MSH5: variants seen among roughly 807,000 people sequenced by gnomAD.
The protein encoded by MSH5 is mutS homolog 5.
Under a neutral mutation model 107.7 loss-of-function variants are expected in MSH5, and 78 were observed. That is an observed-to-expected ratio of 0.72 (90% CI 0.60 to 0.87). The LOEUF (loss-of-function observed/expected upper bound fraction) is 0.87, where lower values mean the gene tolerates loss of function less well. MSH5 is among the 40% of genes least tolerant of loss of function. MSH5 has a pLI of 0.00. For synonymous variants in MSH5, 326 were observed against 399.5 expected (o/e 0.82, Z 2.19); for missense variants, 889 against 1,046.6 (o/e 0.85, Z 2.08).
In MSH5 at chr6:31,740,685, G is replaced by T; in HGVS notation, c.147+72G>T. 7.1e-7 allele frequency: 1 copy of T among 1,416,322 alleles called. No individual in the cohort carries two copies. Among genetic ancestry groups the T allele is most frequent in the Admixed American group, 3.0e-5 (1 of 33,336 alleles). 87.7% of individuals were successfully genotyped at this position (1,416,322 alleles called of 1,614,324 possible). On this transcript the variant is annotated intron_variant, in intron 2 of 24. Coordinates refer to ENST00000375750, the MANE Select transcript of MSH5 (RefSeq NM_172166.4). This position sits in a 1 kb window ranked among gnomAD's most constrained non-coding sequence, Gnocchi z 4.4. Reference sequence around the variant, plus strand: ...AGAATAAAAGAGGGTTGGGAGCCGGGCGCGGTGGCTCACACCTGTAATCTT... The same window carrying T: ...AGAATAAAAGAGGGTTGGGAGCCGGTCGCGGTGGCTCACACCTGTAATCTT...
At chr6:31,743,327 T>A in intron 5 of MSH5, 157 bp downstream of exon 5, 1 of 736,950 alleles carries the variant, frequency 1.4e-6, no homozygotes, top group Non-Finnish European at 2.3e-6. Context: ...AGATCTCTCC[T>A]GCTCCCTACC....
At position 31,759,369 on chromosome 6, in the gene MSH5, G is replaced by A; in HGVS notation, c.1408-56G>A. On this transcript the variant is annotated intron_variant, in intron 16 of 24. Coordinates refer to ENST00000375750, the MANE Select transcript of MSH5 (RefSeq NM_172166.4). This position sits in a 1 kb window ranked among gnomAD's most constrained non-coding sequence, Gnocchi z 4.7. Reference sequence around the variant, plus strand: ...CTGGAGGTGGGGTTAGAAAGATGGGGAAGGAGAGGAGGACCAAGAGATGCA... The same window carrying A: ...CTGGAGGTGGGGTTAGAAAGATGGGAAAGGAGAGGAGGACCAAGAGATGCA... 6.4e-7 allele frequency: 1 copy of A among 1,567,282 alleles called. No individual in the cohort carries two copies. The highest frequency in any genetic ancestry group is 8.8e-7 in the Non-Finnish European group (1 of 1,139,838).
chr6:31,747,547 G>A, intron 10 of MSH5, 115 bp downstream of exon 10: 4 of 1,071,138 alleles, frequency 3.7e-6, no homozygotes, highest in East Asian at 2.5e-5. Context: ...CCACCTAGTA[G>A]TAGTAAAGCA....
Position 31,759,649 on chromosome 6 carries a change from ACT to A in MSH5, c.1496-134_1496-133del. On this transcript the variant is annotated intron_variant, in intron 17 of 24. Transcript: ENST00000375750. This position sits in a 1 kb window ranked among gnomAD's most constrained non-coding sequence, Gnocchi z 4.7. ...CCTGCTCTCTGTCTCGCTCACTCTG[ACT>A]CTATCTTTTCCTCTGAATGTCTTGA... The A allele has an allele frequency of 7.4e-7, 1 of 1,351,958 alleles. No individual in the cohort carries two copies. Among genetic ancestry groups the A allele is most frequent in the Admixed American group, 1.9e-5 (1 of 52,546 alleles). 83.7% of individuals were successfully genotyped at this position (1,351,958 alleles called of 1,614,324 possible).
At position 31,759,116 on chromosome 6, in the gene MSH5, T is replaced by C. The variant is rs1562245683; in HGVS notation, c.1346T>C (p.Ile449Thr). ...CCCCAGATTGGCTTCCTTCTTTCTA[T>C]TCCCCGCCTGCCTTCCATGGTAGAG... ...YIPLIGFLLS[I>T]PRLPSMVEAS... The change falls in exon 16 of 25, where the codon ATT (isoleucine) becomes ACT (threonine). Residue 449 changes from isoleucine to threonine, a missense_variant. Transcript: ENST00000375750. The surrounding 1 kb of genome is among the most constrained non-coding windows in gnomAD (Gnocchi z 4.7). 3.1e-6 allele frequency: 5 copies of C among 1,612,866 alleles called. No individual in the cohort carries two copies. Among genetic ancestry groups the C allele is most frequent in the Non-Finnish European group, 4.2e-6 (5 of 1,179,996 alleles).
intron 12 of MSH5, among the ~76,000 whole-genome samples, chr6:31,754,779 G>A (rs1214866144): frequency 1.4e-5 from 2 of 143,036 alleles, no homozygotes; most frequent in Admixed American, 7.1e-5. Context: ...TTGAGATGGA[G>A]TCTCACTCTG....
Position 31,740,393 on chromosome 6 carries a change from C to T in MSH5, c.-13-61C>T, listed in dbSNP as rs1044487917. 6.6e-7 allele frequency: 1 copy of T among 1,518,792 alleles called. No individual in the cohort carries two copies. The highest frequency in any genetic ancestry group is 8.9e-7 in the Non-Finnish European group (1 of 1,129,648). The allele number at this position is 1,518,792 out of a possible 1,614,324, so 94.1% of individuals were successfully genotyped here. A position where few individuals can be genotyped will look rare whatever the true frequency, so the allele number is the denominator to read the frequency against. On this transcript the variant is annotated intron_variant, in intron 1 of 24. Coordinates refer to ENST00000375750, the MANE Select transcript of MSH5 (RefSeq NM_172166.4). This position sits in a 1 kb window ranked among gnomAD's most constrained non-coding sequence, Gnocchi z 4.4. ...AGTGCTTTGCATTCTGCGCGCCACC[C>T]TACCCCGGCCTCCTCTGTGAATCGT... is the stretch of plus-strand genomic sequence containing the variant.
intron 3 of MSH5, 87 bp downstream of exon 3, chr6:31,741,373 ACACACACACATATT>A: frequency 1.0e-6 from 1 of 964,312 alleles, no homozygotes; most frequent in Non-Finnish European, 1.5e-6. Flanking sequence ...ACACACACAC[ACACACACACATATT>A]TTTTTTTTCT....
Position 31,757,246 on chromosome 6 carries a change from G to A in MSH5, c.1015-919G>A, listed in dbSNP as rs536907052. Among the ~76,000 whole-genome samples, 17 of 152,164 alleles carry A rather than the reference G, an allele frequency of 1.1e-4. No individual in the cohort carries two copies. The East Asian group carries it at 2.5e-3, about 23-fold the overall frequency. Reference sequence around the variant, plus strand: ...TGCAAGCTCTGCCTCCCGGGTTCGCGCCATTCTCCTACCTCAGCCTCCTGA... The same window carrying A: ...TGCAAGCTCTGCCTCCCGGGTTCGCACCATTCTCCTACCTCAGCCTCCTGA... On this transcript the variant is annotated intron_variant, in intron 12 of 24. Coordinates refer to ENST00000375750, the MANE Select transcript of MSH5 (RefSeq NM_172166.4).
Position 31,758,837 on chromosome 6 carries a change from TC to T in MSH5, c.1291del (p.Arg431ValfsTer12), listed in dbSNP as rs746232428. The T allele has an allele frequency of 6.2e-7, 1 of 1,614,024 alleles. No individual in the cohort carries two copies. The highest frequency in any genetic ancestry group is 1.1e-5 in the South Asian group (1 of 91,088). On this transcript the variant is annotated frameshift_variant, in exon 15 of 25. Coordinates refer to ENST00000375750, the MANE Select transcript of MSH5 (RefSeq NM_172166.4). LOFTEE classifies it high-confidence loss of function. The surrounding 1 kb of genome is among the most constrained non-coding windows in gnomAD (Gnocchi z 5.1). ...CCGCAAGGAGCTGGAGAATCTGGAC[TC>T]CCGTATTCCTTCATGCAGTGTCATC... ...VARKELENLD[S>X]RIPSCSVIYI...
chr6:31,744,730 A>G, intron 8 of MSH5, 149 bp downstream of exon 8: 1 of 838,682 alleles, frequency 1.2e-6, no homozygotes, highest in Non-Finnish European at 1.9e-6. Flanking sequence ...GTTTTGAGGG[A>G]AAGAGAGGAA....
At chr6:31,747,561 G>A (rs1051703148) in intron 10 of MSH5, 129 bp downstream of exon 10, 20 of 883,006 alleles carry the variant, frequency 2.3e-5, no homozygotes, top group Non-Finnish European at 3.6e-5. Flanking sequence ...TAAAGCAACT[G>A]CCCTTTACTG....
At chr6:31,753,258 T>G (rs750624694) in intron 10 of MSH5, 43 bp from the exon 11 acceptor site, 1 of 1,559,840 alleles carries the variant, frequency 6.4e-7, no homozygotes, top group Admixed American at 1.8e-5. Context: ...ATCAAGATGA[T>G]AGATGTAACT....
Position 31,758,447 on chromosome 6 carries a change from T to C in MSH5, c.1144-101T>C. 1 of 1,552,980 alleles carries C rather than the reference T, an allele frequency of 6.4e-7. No homozygotes were observed. On this transcript the variant is annotated intron_variant, in intron 13 of 24. Coordinates refer to ENST00000375750, the MANE Select transcript of MSH5 (RefSeq NM_172166.4). This position sits in a 1 kb window ranked among gnomAD's most constrained non-coding sequence, Gnocchi z 5.1. ...GAACTTCAGGGAAGTATCTGGAGGG[T>C]GAGAGTTAAAGGAGGACTGCAGGGA...
intron 3 of MSH5, among the ~76,000 whole-genome samples, chr6:31,742,068 T>C (rs2151333144): frequency 6.6e-6 from 1 of 152,326 alleles, no homozygotes; most frequent in Admixed American, 6.5e-5. Context: ...CACCTCCTGC[T>C]AGGCCCTACC....
intron 11 of MSH5, 46 bp downstream of exon 11, chr6:31,753,485 G>T: frequency 6.2e-7 from 1 of 1,612,880 alleles, no homozygotes. Flanking sequence ...GAGGTTGAGG[G>T]CTGATACTGG....
In MSH5 at chr6:31,758,036, G is replaced by A; in HGVS notation, c.1015-129G>A. 1 of 1,139,912 alleles carries A rather than the reference G, an allele frequency of 8.8e-7. No homozygotes were observed. The highest frequency in any genetic ancestry group is 1.3e-6 in the Non-Finnish European group (1 of 792,716). The allele number at this position is 1,139,912 out of a possible 1,614,324, so 70.6% of individuals were successfully genotyped here. Reference sequence around the variant, plus strand: ...ACAGTGCCTCTCACTGTTTCTTTTTGCCTTTGAGATCTTCCCTCTTTGTTA... The same window carrying A: ...ACAGTGCCTCTCACTGTTTCTTTTTACCTTTGAGATCTTCCCTCTTTGTTA... On this transcript the variant is annotated intron_variant, in intron 12 of 24. Coordinates refer to ENST00000375750, the MANE Select transcript of MSH5 (RefSeq NM_172166.4). This position sits in a 1 kb window ranked among gnomAD's most constrained non-coding sequence, Gnocchi z 5.1.
rs1325936103 is a variant in MSH5 at position 31,740,173 on chromosome 6, C to T, written c.-14+111C>T. 6.0e-6 allele frequency: 2 copies of T among 334,312 alleles called. No individual in the cohort carries two copies. The highest frequency in any genetic ancestry group is 2.1e-5 in the African/African-American group (1 of 46,774). The allele number at this position is 334,312 out of a possible 1,614,324, so 20.7% of individuals were successfully genotyped here. The stretch of plus-strand genomic sequence containing the variant: ...GGTTGGCAGAGGCAGAGACATAAGA[C>T]GTGCACGACTCGCCCCACAGGGCCC... On this transcript the variant is annotated intron_variant, in intron 1 of 24. Coordinates refer to ENST00000375750, the MANE Select transcript of MSH5 (RefSeq NM_172166.4). The surrounding 1 kb of genome is among the most constrained non-coding windows in gnomAD (Gnocchi z 4.4).
rs1268665937 is a variant in MSH5 at position 31,761,055 on chromosome 6, G to A, written c.1963-133G>A. ...TGTTGGCAAAGAGGATGAACAAAGCGTGCACCTCACCATTCAAGAACTTGC... is the reference window on the plus strand; with the variant it reads ...TGTTGGCAAAGAGGATGAACAAAGCATGCACCTCACCATTCAAGAACTTGC... On this transcript the variant is annotated intron_variant, in intron 20 of 24. Coordinates refer to ENST00000375750, the MANE Select transcript of MSH5 (RefSeq NM_172166.4). The surrounding 1 kb of genome is among the most constrained non-coding windows in gnomAD (Gnocchi z 5.3). The A allele has an allele frequency of 1.8e-5, 18 of 1,017,304 alleles. No individual in the cohort carries two copies. The highest frequency in any genetic ancestry group is 2.3e-5 in the Non-Finnish European group (16 of 685,616). The allele number at this position is 1,017,304 out of a possible 1,614,324, so 63.0% of individuals were successfully genotyped here.
Sources: allele counts gnomAD v4.1 joint callset (sites outside exome capture counted in the v4.1 genomes callset), GRCh38; gene constraint gnomAD v4.1.1; non-coding constraint Gnocchi (gnomAD v3.1); transcripts MANE v1.5; gene names NCBI Gene and HGNC (gene_info 2026-07-23, HGNC 2026-07-21).